Variants in DNAI4 observed in about 807,000 individuals in gnomAD.
DNAI4 encodes the protein dynein axonemal intermediate chain 4.
A neutral mutation model predicts 105.8 loss-of-function variants in DNAI4; 85 were observed. The observed-to-expected ratio is 0.80, with a 90% CI of 0.67 to 0.96. The LOEUF (loss-of-function observed/expected upper bound fraction) is 0.96, where lower values mean the gene tolerates loss of function less well. DNAI4 is among the 40% of genes least tolerant of loss of function. The pLI, the probability that DNAI4 is intolerant of heterozygous loss-of-function variation, is 0.00. For missense variants in DNAI4, 1,014 were observed against 1,005.6 expected (o/e 1.01, Z -0.11); for synonymous variants, 352 against 331.5 (o/e 1.06, Z -0.67).
At chr1:66,836,260 GAAAGAAAGAAAGAAAGAA>G (rs1557908813) in intron 10 of DNAI4, among the ~76,000 whole-genome samples, 34 of 16,316 alleles carry the variant, frequency 2.1e-3, no homozygotes, top group Admixed American at 5.9e-3. Context: ...GAGAGAGAAA[GAAAGAAAGAAAGAAAGAA>G]AGAAAGAAAG....
intron 5 of DNAI4, among the ~76,000 whole-genome samples, 160 bp downstream of exon 5, chr1:66,874,621 A>G (rs1401708604): frequency 6.6e-6 from 1 of 152,212 alleles, no homozygotes; most frequent in Non-Finnish European, 1.5e-5. Context: ...TGGCACTTAT[A>G]TAACTTTGTA....
chr1:66,884,096 G>C (rs1273029328), intron 4 of DNAI4, among the ~76,000 whole-genome samples: 4 of 152,036 alleles, frequency 2.6e-5, no homozygotes, highest in African/African-American at 9.7e-5. Context: ...TTCTGTGTCT[G>C]GTTTATTTCA....
chr1:66,886,095 T>C (rs1647194070), intron 4 of DNAI4, among the ~76,000 whole-genome samples: 1 of 152,222 alleles, frequency 6.6e-6, no homozygotes, highest in South Asian at 2.1e-4. Flanking sequence ...TCAAATTAAC[T>C]GATACTTTCC....
At chr1:66,858,458 A>G (rs933262857) in intron 7 of DNAI4, among the ~76,000 whole-genome samples, 2 of 145,776 alleles carry the variant, frequency 1.4e-5, no homozygotes, top group African/African-American at 5.1e-5. Context: ...GCGTGAACCC[A>G]GGAGGCCGGG....
At chr1:66,819,994 T>C (rs1449937866) in intron 16 of DNAI4, among the ~76,000 whole-genome samples, 4 of 152,178 alleles carry the variant, frequency 2.6e-5, no homozygotes, top group Admixed American at 6.5e-5. Context: ...CTATAAACTA[T>C]GTATTTGGAT....
At chr1:66,861,971 T>C (rs1211931699) in intron 7 of DNAI4, among the ~76,000 whole-genome samples, 176 bp downstream of exon 7, 3 of 151,976 alleles carry the variant, frequency 2.0e-5, no homozygotes, top group East Asian at 1.9e-4. Flanking sequence ...CCAAGAAAAA[T>C]GTAAATTTTT....
chr1:66,855,880 G>A (rs754284141), intron 7 of DNAI4, among the ~76,000 whole-genome samples: 1 of 152,118 alleles, frequency 6.6e-6, no homozygotes, highest in Non-Finnish European at 1.5e-5. Flanking sequence ...GGTTGCCCAG[G>A]CTGGAGTGTG....
chr1:66,863,192 C>T (rs909575375), intron 6 of DNAI4, among the ~76,000 whole-genome samples: 6 of 152,270 alleles, frequency 3.9e-5, no homozygotes, highest in African/African-American at 1.4e-4. Context: ...TCTTCCACTG[C>T]TGATTTATGT....
At chr1:66,881,452 G>C (rs1285119196) in intron 4 of DNAI4, among the ~76,000 whole-genome samples, 7 of 152,232 alleles carry the variant, frequency 4.6e-5, no homozygotes, top group Non-Finnish European at 8.8e-5. Context: ...GTGTGACCCG[G>C]ATGCAAGATA....
At chr1:66,837,638 A>T in intron 10 of DNAI4, 72 bp downstream of exon 10, 1 of 1,423,822 alleles carries the variant, frequency 7.0e-7, no homozygotes, top group Non-Finnish European at 9.6e-7. Flanking sequence ...TAATTATTAC[A>T]TGTAATTATA....
chr1:66,896,138 A>G (rs950964418), intron 2 of DNAI4, among the ~76,000 whole-genome samples: 4 of 152,188 alleles, frequency 2.6e-5, no homozygotes, highest in Non-Finnish European at 4.4e-5. Flanking sequence ...ACATACCACA[A>G]TTGAAGTCAT....
chr1:66,908,176 A>C (rs1370294774), intron 1 of DNAI4, among the ~76,000 whole-genome samples: 3 of 152,148 alleles, frequency 2.0e-5, no homozygotes, highest in African/African-American at 7.2e-5. Flanking sequence ...AGTGTCTGTA[A>C]ATTTGATACT....
intron 7 of DNAI4, among the ~76,000 whole-genome samples, chr1:66,860,187 A>C (rs1646594564): frequency 6.6e-6 from 1 of 152,160 alleles, no homozygotes; most frequent in Admixed American, 6.5e-5. Flanking sequence ...GCACTATTTC[A>C]GAATAAAAAA....
At chr1:66,840,772 C>T in intron 8 of DNAI4, 101 bp from the exon 9 acceptor site, 2 of 1,217,208 alleles carry the variant, frequency 1.6e-6, no homozygotes, top group Admixed American at 3.8e-5. Context: ...ACTTCAAGCA[C>T]CATCAGATCT....
At chr1:66,907,593 A>G (rs962714636) in intron 1 of DNAI4, among the ~76,000 whole-genome samples, 9 of 152,038 alleles carry the variant, frequency 5.9e-5, no homozygotes, top group Non-Finnish European at 1.3e-4. Context: ...GACCACAAGT[A>G]CTCTACTTTC....
At chr1:66,896,121 G>A (rs1471151645) in intron 2 of DNAI4, among the ~76,000 whole-genome samples, 1 of 152,094 alleles carries the variant, frequency 6.6e-6, no homozygotes, top group Non-Finnish European at 1.5e-5. Flanking sequence ...ATCTATGTAT[G>A]TTTGACACAT....
At chr1:66,920,042 T>G (rs1030395047) in intron 1 of DNAI4, among the ~76,000 whole-genome samples, 1 of 152,148 alleles carries the variant, frequency 6.6e-6, no homozygotes, top group African/African-American at 2.4e-5. Flanking sequence ...AGTGAGAACA[T>G]ACATCTGTGT....
chr1:66,898,400 TA>T (rs914653011), intron 2 of DNAI4, among the ~76,000 whole-genome samples: 2 of 152,182 alleles, frequency 1.3e-5, no homozygotes, highest in African/African-American at 4.8e-5. Context: ...AATGTGTGTC[TA>T]AAAGTTATGT....
At chr1:66,907,648 T>C (rs868613979) in intron 1 of DNAI4, among the ~76,000 whole-genome samples, 1 of 152,228 alleles carries the variant, frequency 6.6e-6, no homozygotes, top group Non-Finnish European at 1.5e-5. Flanking sequence ...GAAGATTTCA[T>C]ATCCTAAGTC....
Sources: allele counts gnomAD v4.1 joint callset (sites outside exome capture counted in the v4.1 genomes callset), GRCh38; gene constraint gnomAD v4.1.1; transcripts MANE v1.5; gene names NCBI Gene and HGNC (gene_info 2026-07-23, HGNC 2026-07-21).